Variants in RPH3AL observed in about 807,000 individuals in gnomAD.
RPH3AL encodes rabphilin 3A like (without C2 domains), also known as rab effector Noc2.
In RPH3AL, 38 loss-of-function variants were observed where a neutral mutation model predicts 43.1. The ratio of observed to expected loss-of-function variants is 0.88; its 90% CI spans 0.68 to 1.15. The LOEUF is 1.15. Ranked by LOEUF, RPH3AL falls within the 50% of genes most tolerant of loss-of-function variation. The pLI is 0.00. For missense variants in RPH3AL, 462 were observed against 423.2 expected (o/e 1.09, Z -0.81); for synonymous variants, 189 against 176.3 (o/e 1.07, Z -0.57).
chr17:280,057 T>C (rs1299303027), intron 6 of RPH3AL, among the ~76,000 whole-genome samples: 3 of 152,098 alleles, frequency 2.0e-5, no homozygotes, highest in African/African-American at 7.2e-5. Context: ...TAGAGGAAAA[T>C]ACTTTCACAA....
At chr17:293,835 C>T (rs1203052495) in intron 5 of RPH3AL, among the ~76,000 whole-genome samples, 1 of 151,926 alleles carries the variant, frequency 6.6e-6, no homozygotes, top group Non-Finnish European at 1.5e-5. Context: ...TCAACACCAA[C>T]CTGGCCAACA....
At chr17:219,192 CTTTTTTTTTTT>C (rs796389217) in intron 8 of RPH3AL, among the ~76,000 whole-genome samples, 4 of 58,002 alleles carry the variant, frequency 6.9e-5, no homozygotes, top group South Asian at 9.4e-4. Context: ...ATAAACAGCA[CTTTTTTTTTTT>C]TTTTTTTTTT....
At chr17:219,102 C>T (rs1425310345) in intron 8 of RPH3AL, among the ~76,000 whole-genome samples, 2 of 151,414 alleles carry the variant, frequency 1.3e-5, no homozygotes, top group African/African-American at 4.9e-5. Context: ...CCTAGGCCTG[C>T]TTCTCCTTCC....
intron 7 of RPH3AL, among the ~76,000 whole-genome samples, chr17:222,259 G>A (rs1211629245): frequency 4.6e-5 from 7 of 152,258 alleles, no homozygotes; most frequent in Non-Finnish European, 4.4e-5. Context: ...GCAAGAAAAC[G>A]GGGGCACGTG....
intron 2 of RPH3AL, chr17:332,830 G>A (rs568546780): frequency 7.1e-5 from 27 of 382,546 alleles, no homozygotes; most frequent in African/African-American, 1.0e-4. Flanking sequence ...CCCGCCGGGC[G>A]ACACACGCTG....
intron 6 of RPH3AL, among the ~76,000 whole-genome samples, chr17:268,523 G>A (rs1294788819): frequency 7.6e-6 from 1 of 130,954 alleles, no homozygotes; most frequent in African/African-American, 2.8e-5. Context: ...AGAGTTAATA[G>A]TTATATTAAG....
intron 2 of RPH3AL, chr17:331,495 G>C: frequency 2.6e-6 from 3 of 1,146,708 alleles, no homozygotes; most frequent in Non-Finnish European, 3.4e-6. Flanking sequence ...CCCCACCCTG[G>C]CCGTGGCTGG....
chr17:238,167 G>C (rs1013091855), intron 7 of RPH3AL, among the ~76,000 whole-genome samples: 1 of 111,264 alleles, frequency 9.0e-6, no homozygotes, highest in Non-Finnish European at 2.0e-5. Context: ...AAAGAAGAGA[G>C]AAAGAGAGAG....
In RPH3AL at chr17:321,325, C is replaced by T. The variant is rs1265157352; in HGVS notation, c.168G>A (p.Leu56=). ...GCCGCTCTGCCCTCTGGATGACCTG[C>T]AGGATGGCCTCCACCTCCGCCGGGC... is the stretch of plus-strand genomic sequence containing the variant. ...HLSPAEVEAI[L]QVIQRAERLD... Residue 56 remains leucine (L), a synonymous_variant, in exon 4 of 10, where the codon CTG becomes CTA. Coordinates refer to ENST00000331302, the MANE Select transcript of RPH3AL (RefSeq NM_006987.4). 6 of 1,611,352 alleles carry T rather than the reference C, an allele frequency of 3.7e-6. No homozygotes were observed. The highest frequency in any genetic ancestry group is 5.1e-6 in the Non-Finnish European group (6 of 1,179,928).
At chr17:317,228 G>A (rs1484387994) in intron 5 of RPH3AL, among the ~76,000 whole-genome samples, 7 of 62,908 alleles carry the variant, frequency 1.1e-4, no homozygotes, top group African/African-American at 4.0e-4. Flanking sequence ...GACCTGCAGT[G>A]CCTGTGCTCC....
intron 6 of RPH3AL, among the ~76,000 whole-genome samples, chr17:249,053 G>C (rs541732091): frequency 6.6e-6 from 1 of 152,162 alleles, no homozygotes; most frequent in Non-Finnish European, 1.5e-5. Context: ...CTCTTGGAGA[G>C]AGCCACCGAT....
intron 5 of RPH3AL, among the ~76,000 whole-genome samples, chr17:308,362 T>C (rs11656610): frequency 0.18 from 26,887 of 152,132 alleles, 2,641 homozygotes; most frequent in Middle Eastern, 0.27. Flanking sequence ...GGATGTGAAA[T>C]GGTGCAGCTG....
At position 289,344 on chromosome 17, in the gene RPH3AL, G is replaced by C. The variant is rs1393669248; in HGVS notation, c.352-7490C>G. Among the ~76,000 whole-genome samples, 1 of 152,054 alleles carries C rather than the reference G, an allele frequency of 6.6e-6. No individual in the cohort carries two copies. The highest frequency in any genetic ancestry group is 1.9e-4 in the East Asian group (1 of 5,186). ...CAAGCCACAACCCAGCACTCATCCTGGGCCCCCATCGTCCCTCCTTCCTGC... is the reference window on the plus strand; with the variant it reads ...CAAGCCACAACCCAGCACTCATCCTCGGCCCCCATCGTCCCTCCTTCCTGC... On this transcript the variant is annotated intron_variant, in intron 5 of 9. Coordinates refer to ENST00000331302, the MANE Select transcript of RPH3AL (RefSeq NM_006987.4). The surrounding 1 kb of genome is among the most constrained non-coding windows in gnomAD (Gnocchi z 5.2).
At position 245,672 on chromosome 17, in the gene RPH3AL, C is replaced by G. The variant is rs561716659; in HGVS notation, c.613+1439G>C. Among the ~76,000 whole-genome samples the G allele has an allele frequency of 2.6e-5, 4 of 152,204 alleles. No homozygotes were observed. The highest frequency in any genetic ancestry group is 7.2e-5 in the African/African-American group (3 of 41,538). ...ACATGGACAGATCTCGAGGGCTCAGCAGGAGAAGGTCTGAGGTCCAAGGGT... is the reference window on the plus strand; with the variant it reads ...ACATGGACAGATCTCGAGGGCTCAGGAGGAGAAGGTCTGAGGTCCAAGGGT... On this transcript the variant is annotated intron_variant, in intron 7 of 9. Transcript: ENST00000331302. The surrounding 1 kb of genome is among the most constrained non-coding windows in gnomAD (Gnocchi z 5.9).
chr17:342,493 G>C (rs1416524211), intron 1 of RPH3AL, among the ~76,000 whole-genome samples: 3 of 152,168 alleles, frequency 2.0e-5, no homozygotes, highest in African/African-American at 4.8e-5. Context: ...ACAAAATATG[G>C]TGTATCCACA....
chr17:304,953 G>C (rs1210348452), intron 5 of RPH3AL, among the ~76,000 whole-genome samples: 8 of 67,496 alleles, frequency 1.2e-4, no homozygotes, highest in African/African-American at 4.4e-4. Flanking sequence ...GGGCGAGAGG[G>C]GGACAGGGCG....
chr17:219,000 G>A (rs1180680171), intron 8 of RPH3AL, among the ~76,000 whole-genome samples: 2 of 151,996 alleles, frequency 1.3e-5, no homozygotes. Flanking sequence ...CAAGGGCATG[G>A]GTGGCCTGGC....
At chr17:320,895 G>A (rs2044450892) in intron 4 of RPH3AL, among the ~76,000 whole-genome samples, 1 of 152,238 alleles carries the variant, frequency 6.6e-6, no homozygotes, top group Non-Finnish European at 1.5e-5. Flanking sequence ...TCCTGCTGGA[G>A]CCTTTCAGGG....
Position 246,971 on chromosome 17 carries a change from G to A in RPH3AL, c.613+140C>T. On this transcript the variant is annotated intron_variant, in intron 7 of 9. Coordinates refer to ENST00000331302, the MANE Select transcript of RPH3AL (RefSeq NM_006987.4). The surrounding 1 kb of genome is among the most constrained non-coding windows in gnomAD (Gnocchi z 4.8). ...ACTCGGGAGAAGGTGTGGAGCTGAG[G>A]GCACAGGGAGGGACGCATCACCAGA... 1.1e-6 allele frequency: 1 copy of A among 883,324 alleles called. No individual in the cohort carries two copies. Among genetic ancestry groups the A allele is most frequent in the Admixed American group, 1.9e-5 (1 of 52,334 alleles). The allele number at this position is 883,324 out of a possible 1,614,324, so 54.7% of individuals were successfully genotyped here.
Sources: gnomAD v4.1 joint callset for allele counts (sites outside exome capture counted in the v4.1 genomes callset) on GRCh38, gnomAD v4.1.1 for gene constraint, Gnocchi (gnomAD v3.1) non-coding constraint, MANE v1.5 for transcripts, NCBI Gene and HGNC (gene_info 2026-07-23, HGNC 2026-07-21) for gene names.